CLDN14: variants seen among roughly 807,000 people sequenced by gnomAD.
CLDN14 encodes claudin-14.
CLDN14 carries 2 observed loss-of-function variants against 2.1 expected under a neutral mutation model. The observed-to-expected ratio is 0.96, with a 90% CI of 0.39 to 3.01. The LOEUF (loss-of-function observed/expected upper bound fraction) is 3.01. Among genes scored for constraint, CLDN14 ranks in the 30% most tolerant of loss-of-function variants. The probability of loss-of-function intolerance (pLI) is 0.09; values close to 1 mark genes in which losing one functional copy is unlikely to be tolerated. For missense variants in CLDN14, 298 were observed against 328.0 expected (o/e 0.91, Z 0.71); for synonymous variants, 136 against 154.4 (o/e 0.88, Z 0.88).
Position 36,553,160 on chromosome 21 carries a change from G to T in CLDN14, c.-220+23251C>A, listed in dbSNP as rs568517207. The stretch of plus-strand genomic sequence containing the variant: ...CTAGGACCAAGGCATTACACGTGAA[G>T]GTAGCTGCAGCCTCGAGGCCCCCGT... On this transcript the variant is annotated intron_variant, in intron 1 of 2. Coordinates refer to the CLDN14 transcript ENST00000342108. Among the ~76,000 whole-genome samples the T allele has an allele frequency of 4.6e-5, 7 of 152,324 alleles. No homozygotes were observed. The East Asian group carries it at 1.4e-3, about 29-fold the overall frequency.
intron 1 of CLDN14, among the ~76,000 whole-genome samples, chr21:36,568,057 G>A (rs556456674): frequency 7.2e-5 from 11 of 152,266 alleles, no homozygotes; most frequent in Middle Eastern, 6.8e-3. Flanking sequence ...GGAATGGTTC[G>A]GAGAAGCGCT....
In CLDN14 at chr21:36,486,307, T is replaced by A. The variant is rs757648899; in HGVS notation, c.-82+24056A>T. 3.7e-6 allele frequency: 3 copies of A among 803,848 alleles called. No individual in the cohort carries two copies. The African/African-American group carries it at 5.0e-5, about 13-fold the overall frequency. 49.8% of individuals were successfully genotyped at this position (803,848 alleles called of 1,614,324 possible). A position where few individuals can be genotyped will look rare whatever the true frequency, so the allele number is the denominator to read the frequency against. On this transcript the variant is annotated intron_variant, in intron 2 of 2. Coordinates refer to the CLDN14 transcript ENST00000342108. ...CCGGTATGGCCAAACTCTTGTTGGCTAATGGTCATCTTCAGCAGGACCTCG... is the reference window on the plus strand; with the variant it reads ...CCGGTATGGCCAAACTCTTGTTGGCAAATGGTCATCTTCAGCAGGACCTCG...
rs769138479 is a variant in CLDN14 at position 36,551,073 on chromosome 21, C to T, written c.-220+25338G>A. Among the ~76,000 whole-genome samples the T allele has an allele frequency of 6.6e-6, 1 of 152,158 alleles. No individual in the cohort carries two copies. The highest frequency in any genetic ancestry group is 1.5e-5 in the Non-Finnish European group (1 of 68,026). The stretch of plus-strand genomic sequence containing the variant: ...AAGGCCAAGGAATGGTGTGGCCAGC[C>T]GGCAGCCACCAGAGTGGGGAGGGGG... On this transcript the variant is annotated intron_variant, in intron 1 of 2. Transcript: ENST00000342108. This position sits in a 1 kb window ranked among gnomAD's most constrained non-coding sequence, Gnocchi z 4.8.
intron 2 of CLDN14, among the ~76,000 whole-genome samples, chr21:36,501,923 CT>C (rs10691614): frequency 0.66 from 98,354 of 148,472 alleles, 36,634 homozygotes; most frequent in Non-Finnish European, 0.87. Flanking sequence ...TTGAAAAGAC[CT>C]TTTTTTTTTT....
intron 1 of CLDN14, among the ~76,000 whole-genome samples, chr21:36,566,163 A>G (rs1398190729): frequency 6.6e-6 from 1 of 152,236 alleles, no homozygotes; most frequent in East Asian, 1.9e-4. Context: ...TGAAATACTT[A>G]AACCAGTTTG....
chr21:36,526,049 G>A (rs1186975172), intron 1 of CLDN14, among the ~76,000 whole-genome samples: 1 of 152,108 alleles, frequency 6.6e-6, no homozygotes, highest in Non-Finnish European at 1.5e-5. Context: ...CCTTCACCCA[G>A]GTTCCTACAG....
At chr21:36,474,766 A>G (rs536778216) in intron 1 of CLDN14, among the ~76,000 whole-genome samples, 1 of 152,330 alleles carries the variant, frequency 6.6e-6, no homozygotes, top group African/African-American at 2.4e-5. Context: ...GAAATGGTTC[A>G]GCGAGGAGGG....
intron 1 of CLDN14, among the ~76,000 whole-genome samples, chr21:36,518,874 G>C (rs1009148951): frequency 2.0e-5 from 3 of 152,208 alleles, no homozygotes; most frequent in Non-Finnish European, 4.4e-5. Flanking sequence ...ACCTGTGGGA[G>C]TCCTTCTCAC....
rs768684099 is a variant in CLDN14, at chr21:36,544,789, TC to T, written c.-220+31621del. On this transcript the variant is annotated intron_variant, in intron 1 of 2. Transcript: ENST00000342108. The surrounding 1 kb of genome is among the most constrained non-coding windows in gnomAD (Gnocchi z 4.1). ...TGACAGGGGCAAGACTGCAAGGACA[TC>T]CGCGAAGTAAGACATGTGCACAGAG... is the stretch of plus-strand genomic sequence containing the variant. Among the ~76,000 whole-genome samples, 5 of 152,148 alleles carry T rather than the reference TC, an allele frequency of 3.3e-5. No individual in the cohort carries two copies. The highest frequency in any genetic ancestry group is 4.8e-5 in the African/African-American group (2 of 41,416).
chr21:36,533,694 C>A (rs1252854980), intron 1 of CLDN14, among the ~76,000 whole-genome samples: 1 of 152,118 alleles, frequency 6.6e-6, no homozygotes, highest in African/African-American at 2.4e-5. Context: ...TTTGTAGGAA[C>A]GTGGGTGGAG....
At chr21:36,541,520 C>T (rs2087488146) in intron 1 of CLDN14, among the ~76,000 whole-genome samples, 1 of 152,162 alleles carries the variant, frequency 6.6e-6, no homozygotes, top group South Asian at 2.1e-4. Context: ...AGCCGATTGT[C>T]TAATAAAAAG....
At chr21:36,466,200 C>A (rs555121598) in intron 1 of CLDN14, among the ~76,000 whole-genome samples, 1 of 152,326 alleles carries the variant, frequency 6.6e-6, no homozygotes, top group South Asian at 2.1e-4. Flanking sequence ...CACCCCCCTG[C>A]ACCCCCTTTA....
At chr21:36,465,646 C>T (rs2086636816) in intron 1 of CLDN14, among the ~76,000 whole-genome samples, 1 of 152,218 alleles carries the variant, frequency 6.6e-6, no homozygotes, top group Non-Finnish European at 1.5e-5. Context: ...AGCGCCCTGC[C>T]CTGCAGGGCT....
chr21:36,495,955 G>GA (rs1398198578), intron 2 of CLDN14, among the ~76,000 whole-genome samples: 1 of 152,178 alleles, frequency 6.6e-6, no homozygotes, highest in Non-Finnish European at 1.5e-5. Flanking sequence ...GGCCCCACTG[G>GA]AAGTTGGAAG....
chr21:36,554,490 C>T (rs139130557), intron 1 of CLDN14, among the ~76,000 whole-genome samples: 216 of 152,286 alleles, frequency 1.4e-3, no homozygotes, highest in Middle Eastern at 3.4e-3. Flanking sequence ...GAAGCTTAGT[C>T]GGGTCAGGCC....
intron 1 of CLDN14, among the ~76,000 whole-genome samples, chr21:36,555,707 C>T (rs1415068017): frequency 6.6e-6 from 1 of 152,046 alleles, no homozygotes; most frequent in Non-Finnish European, 1.5e-5. Flanking sequence ...CTAGGTCCCA[C>T]CCTCCATTTT....
chr21:36,497,656 C>T (rs1271576306), intron 2 of CLDN14, among the ~76,000 whole-genome samples: 2 of 152,114 alleles, frequency 1.3e-5, no homozygotes, highest in African/African-American at 4.8e-5. Flanking sequence ...GAACGAAGCC[C>T]AGAAATCAGT....
At chr21:36,495,165 T>TA (rs2087004454) in intron 2 of CLDN14, among the ~76,000 whole-genome samples, 1 of 152,000 alleles carries the variant, frequency 6.6e-6, no homozygotes, top group African/African-American at 2.4e-5. Flanking sequence ...CCTTCTCTAC[T>TA]AAAAAATACA....
chr21:36,548,547 G>C (rs1296427301), intron 1 of CLDN14, among the ~76,000 whole-genome samples: 1 of 152,198 alleles, frequency 6.6e-6, no homozygotes, highest in Non-Finnish European at 1.5e-5. Context: ...GGGGGAATGG[G>C]GTCTGGGCAG....
Sources: allele counts gnomAD v4.1 joint callset (sites outside exome capture counted in the v4.1 genomes callset), GRCh38; gene constraint gnomAD v4.1.1; non-coding constraint Gnocchi (gnomAD v3.1); transcripts MANE v1.5; gene names NCBI Gene and HGNC (gene_info 2026-07-23, HGNC 2026-07-21).